Variants in PIWIL2 observed in about 807,000 individuals in gnomAD.
The protein encoded by PIWIL2 is piwi like RNA-mediated gene silencing 2.
Under a neutral mutation model 116.5 loss-of-function variants are expected in PIWIL2, and 81 were observed. The ratio of observed to expected loss-of-function variants is 0.70; its 90% confidence interval spans 0.58 to 0.84. PIWIL2 has a LOEUF of 0.84. Among genes scored for constraint, PIWIL2 ranks in the 40% least tolerant of loss-of-function variants. The pLI, the probability that PIWIL2 is intolerant of heterozygous loss-of-function variation, is 0.00. For missense variants in PIWIL2, 1,272 were observed against 1,212.3 expected (o/e 1.05, Z -0.73); for synonymous variants, 489 against 429.5 (o/e 1.14, Z -1.71).
At chr8:22,351,432 CATACATACATATATATATATAT>C (rs1343145779) in intron 20 of PIWIL2, among the ~76,000 whole-genome samples, 2 of 46,596 alleles carry the variant, frequency 4.3e-5, no homozygotes, top group East Asian at 1.2e-3. Context: ...AGGAACAGTG[CATACATACATATATATATATAT>C]ATATATATAT....
chr8:22,339,923 CA>C (rs967111821), intron 20 of PIWIL2, among the ~76,000 whole-genome samples: 1 of 152,060 alleles, frequency 6.6e-6, no homozygotes, highest in African/African-American at 2.4e-5. Context: ...GATGCCACTT[CA>C]CAGCAAAACC....
At chr8:22,342,137 A>G (rs747026043) in intron 20 of PIWIL2, among the ~76,000 whole-genome samples, 2 of 143,818 alleles carry the variant, frequency 1.4e-5, no homozygotes, top group Non-Finnish European at 3.0e-5. Flanking sequence ...ATGGAAAACT[A>G]CAAAACTGAT....
chr8:22,320,362 G>A (rs1276848543), intron 20 of PIWIL2, among the ~76,000 whole-genome samples: 2 of 147,112 alleles, frequency 1.4e-5, no homozygotes, highest in Non-Finnish European at 3.0e-5. Context: ...CTGCTTCCCG[G>A]ATTCAAGCAA....
intron 14 of PIWIL2, among the ~76,000 whole-genome samples, chr8:22,308,671 T>G (rs909647295): frequency 6.6e-6 from 1 of 152,036 alleles, no homozygotes; most frequent in East Asian, 1.9e-4. Flanking sequence ...TTAACTAATT[T>G]AAAAAAATAA....
At chr8:22,282,473 C>T (rs185798523) in intron 4 of PIWIL2, among the ~76,000 whole-genome samples, 1 of 152,186 alleles carries the variant, frequency 6.6e-6, no homozygotes, top group East Asian at 1.9e-4. Flanking sequence ...TAGGCGTGAG[C>T]CCCTGCACGC....
intron 20 of PIWIL2, among the ~76,000 whole-genome samples, chr8:22,329,079 G>A (rs1443492010): frequency 1.3e-5 from 2 of 151,984 alleles, no homozygotes; most frequent in African/African-American, 2.4e-5. Context: ...TTTCACCATT[G>A]TATATGATGT....
chr8:22,278,233 T>G (rs542660025), intron 1 of PIWIL2, among the ~76,000 whole-genome samples: 16 of 152,090 alleles, frequency 1.1e-4, no homozygotes, highest in Middle Eastern at 3.4e-3. Context: ...ACATAAAAAC[T>G]GCCTTAGCCA....
chr8:22,341,874 A>G (rs1015560502), intron 20 of PIWIL2, among the ~76,000 whole-genome samples: 8 of 151,948 alleles, frequency 5.3e-5, no homozygotes, highest in Non-Finnish European at 8.8e-5. Context: ...ATGATTGTCT[A>G]TGTAGAAAAT....
intron 17 of PIWIL2, 108 bp from the exon 18 acceptor site, chr8:22,314,921 C>T: frequency 1.4e-6 from 1 of 701,716 alleles, no homozygotes; most frequent in Non-Finnish European, 2.6e-6. Flanking sequence ...GTGTTATCTT[C>T]TAACTTGAGT....
intron 4 of PIWIL2, among the ~76,000 whole-genome samples, chr8:22,282,244 CTTTTTTTTTTTT>C (rs34130038): frequency 8.9e-5 from 3 of 33,570 alleles, no homozygotes; most frequent in Non-Finnish European, 1.6e-4. Flanking sequence ...CCACACCCGG[CTTTTTTTTTTTT>C]TTTTTTTTTT....
intron 20 of PIWIL2, among the ~76,000 whole-genome samples, chr8:22,323,180 C>G (rs1345807658): frequency 9.4e-6 from 1 of 106,532 alleles, no homozygotes; most frequent in Non-Finnish European, 1.7e-5. Context: ...CAGAGTCTTG[C>G]TCTGTCGCCC....
rs79407205 is a variant in PIWIL2 at position 22,329,915 on chromosome 8, A to T, written c.2403+11640A>T. On this transcript the variant is annotated intron_variant, in intron 20 of 22. Coordinates refer to ENST00000356766, the MANE Select transcript of PIWIL2 (RefSeq NM_018068.5). The stretch of plus-strand genomic sequence containing the variant: ...AGACCCAGGGGATAGCTGATGTTGC[A>T]GGTCAGCTTTGAGTTTATCCTGCTT... Among the ~76,000 whole-genome samples, 610 of 152,300 alleles carry T rather than the reference A, an allele frequency of 4.0e-3. 5 individuals are homozygous for T. The highest frequency in any genetic ancestry group is 0.014 in the African/African-American group (587 of 41,564).
At chr8:22,326,738 C>G (rs908717274) in intron 20 of PIWIL2, among the ~76,000 whole-genome samples, 1 of 152,178 alleles carries the variant, frequency 6.6e-6, no homozygotes, top group Non-Finnish European at 1.5e-5. Flanking sequence ...GATCCTTTCA[C>G]TTGTTGATAA....
chr8:22,293,550 C>G (rs1010421070), intron 10 of PIWIL2, among the ~76,000 whole-genome samples: 1 of 152,162 alleles, frequency 6.6e-6, no homozygotes, highest in African/African-American at 2.4e-5. Flanking sequence ...GTCTTGAACT[C>G]CTGCCGTCAG....
intron 12 of PIWIL2, among the ~76,000 whole-genome samples, chr8:22,305,298 T>G (rs1281261759): frequency 6.6e-6 from 1 of 152,038 alleles, no homozygotes; most frequent in Non-Finnish European, 1.5e-5. Context: ...GTTCACATCA[T>G]TCTCCTGCCT....
In PIWIL2 at chr8:22,316,228, T is replaced by G; in HGVS notation, c.2209-17T>G. ...TCAGGTCTGGGGTTTGGTTTTTGTT[T>G]TTGTTTTCTAAACTAGAAACAGTTA... On this transcript the variant is annotated splice_polypyrimidine_tract_variant and intron_variant, in intron 18 of 22. Transcript: ENST00000356766. The G allele has an allele frequency of 1.3e-6, 2 of 1,582,838 alleles. No homozygotes were observed. The highest frequency in any genetic ancestry group is 1.7e-6 in the Non-Finnish European group (2 of 1,151,698).
At chr8:22,327,375 T>G (rs567390899) in intron 20 of PIWIL2, among the ~76,000 whole-genome samples, 7 of 150,104 alleles carry the variant, frequency 4.7e-5, no homozygotes, top group African/African-American at 1.5e-4. Flanking sequence ...TTTCGTTTTT[T>G]TTTTTTTTTG....
chr8:22,345,786 C>T (rs1832213574), intron 20 of PIWIL2, among the ~76,000 whole-genome samples: 1 of 152,094 alleles, frequency 6.6e-6, no homozygotes, highest in African/African-American at 2.4e-5. Context: ...AGGACTGAGA[C>T]GTACTGCAAC....
chr8:22,346,448 G>C (rs1346386976), intron 20 of PIWIL2, among the ~76,000 whole-genome samples: 1 of 152,058 alleles, frequency 6.6e-6, no homozygotes, highest in Admixed American at 6.6e-5. Flanking sequence ...TAAGGCCTTC[G>C]CAAACTACAT....
Sources: gnomAD v4.1 joint callset for allele counts (sites outside exome capture counted in the v4.1 genomes callset) on GRCh38, gnomAD v4.1.1 for gene constraint, MANE v1.5 for transcripts, NCBI Gene and HGNC (gene_info 2026-07-23, HGNC 2026-07-21) for gene names.